The following ANKRD33B variants were observed in gnomAD, a reference collection of about 807,000 sequenced individuals.
ANKRD33B encodes the protein ankyrin repeat domain-containing protein 33B.
In ANKRD33B, 6 loss-of-function variants were observed where a neutral mutation model predicts 21.5. The observed-to-expected ratio is 0.28, with a 90% CI of 0.15 to 0.55. The LOEUF is 0.55. ANKRD33B is among the 20% of genes least tolerant of loss of function. The pLI is 0.94. For synonymous variants in ANKRD33B, 347 were observed against 342.4 expected (o/e 1.01, Z -0.15); for missense variants, 698 against 747.2 (o/e 0.93, Z 0.77).
At chr5:10,571,443 T>C (rs1344357257) in intron 1 of ANKRD33B, among the ~76,000 whole-genome samples, 10 of 151,868 alleles carry the variant, frequency 6.6e-5, no homozygotes, top group Admixed American at 6.6e-4. Context: ...CTCAGGTGAT[T>C]CACCCACCTC....
intron 1 of ANKRD33B, among the ~76,000 whole-genome samples, chr5:10,590,973 A>T (rs965160988): frequency 6.6e-6 from 1 of 152,158 alleles, no homozygotes; most frequent in Non-Finnish European, 1.5e-5. Context: ...AGTTGTTCTC[A>T]GGGGAAAAGT....
At chr5:10,585,562 T>G (rs1469943923) in intron 1 of ANKRD33B, among the ~76,000 whole-genome samples, 2 of 152,234 alleles carry the variant, frequency 1.3e-5, no homozygotes, top group African/African-American at 2.4e-5. Flanking sequence ...CACCTGGAAT[T>G]AGAAAGCACT....
At chr5:10,591,967 C>T (rs192078585) in intron 1 of ANKRD33B, among the ~76,000 whole-genome samples, 3 of 152,060 alleles carry the variant, frequency 2.0e-5, no homozygotes, top group Admixed American at 1.3e-4. Flanking sequence ...TTTTGAATCT[C>T]TTTTCTCCAT....
intron 2 of ANKRD33B, chr5:10,624,623 T>C (rs1371803975): frequency 2.5e-6 from 1 of 402,736 alleles, no homozygotes; most frequent in Non-Finnish European, 4.9e-6. Context: ...AGAGGGACTT[T>C]ACACCATTTA....
rs563688820 is a variant in ANKRD33B at position 10,639,857 on chromosome 5, C to A, written c.637+1689C>A. Among the ~76,000 whole-genome samples the A allele has an allele frequency of 4.4e-3, 43 of 9,856 alleles. 2 individuals are homozygous for A. The highest frequency in any genetic ancestry group is 0.027 in the South Asian group (5 of 186). The allele number at this position is 9,856 out of a possible 152,430, so 6.5% of individuals were successfully genotyped here. ...GCGGCGATGTTAGCGGGTGACGCGG[C>A]GTTGCGCGGCGATGTTAGGCGGTGA... On this transcript the variant is annotated intron_variant, in intron 3 of 3. Transcript: ENST00000296657.
At chr5:10,623,311 T>G (rs1231578314) in intron 2 of ANKRD33B, among the ~76,000 whole-genome samples, 2 of 152,172 alleles carry the variant, frequency 1.3e-5, no homozygotes, top group Non-Finnish European at 2.9e-5. Flanking sequence ...TACCCCATCC[T>G]CCTCATCAAC....
chr5:10,596,367 T>C (rs1905314), intron 1 of ANKRD33B, among the ~76,000 whole-genome samples: 61,103 of 152,028 alleles, frequency 0.4, 12,607 homozygotes, highest in Admixed American at 0.54. Context: ...CCCAACTGTG[T>C]GTCCATGTGT....
At chr5:10,589,009 A>T (rs1362351108) in intron 1 of ANKRD33B, among the ~76,000 whole-genome samples, 2 of 152,154 alleles carry the variant, frequency 1.3e-5, no homozygotes, top group Non-Finnish European at 2.9e-5. Context: ...GGCAGTCTTC[A>T]CGCAGCTCCT....
At chr5:10,587,005 A>ATTATTTATTTAT (rs58331005) in intron 1 of ANKRD33B, among the ~76,000 whole-genome samples, 38 of 150,998 alleles carry the variant, frequency 2.5e-4, no homozygotes, top group African/African-American at 8.8e-4. Context: ...GATTTTATTT[A>ATTATTTATTTAT]TTATTTATTT....
chr5:10,569,168 C>T (rs960316492), intron 1 of ANKRD33B, among the ~76,000 whole-genome samples: 9 of 152,302 alleles, frequency 5.9e-5, no homozygotes, highest in Middle Eastern at 6.8e-3. Flanking sequence ...TCATGGCCTG[C>T]GTGTGCACAG....
In ANKRD33B at chr5:10,649,646, C is replaced by T. The variant is rs1403980500; in HGVS notation, c.1018C>T (p.Leu340=). The T allele has an allele frequency of 6.5e-7, 1 of 1,530,874 alleles. No individual in the cohort carries two copies. Among genetic ancestry groups the T allele is most frequent in the Non-Finnish European group, 8.7e-7 (1 of 1,144,704 alleles). The allele number at this position is 1,530,874 out of a possible 1,614,324, so 94.8% of individuals were successfully genotyped here. Residue 340 remains leucine, a synonymous_variant, in exon 4 of 4, where the codon CTG becomes TTG. Coordinates refer to ENST00000296657, the MANE Select transcript of ANKRD33B (RefSeq NM_001164440.2). ...CCCTCCGAGCGTGGGGAAGAGGCGG[C>T]TGGCGGTGCAGGAGATCCTGGCGGC... ...ESPPSVGKRR[L]AVQEILAARA...
At chr5:10,638,389 G>A (rs1424788153) in intron 3 of ANKRD33B, among the ~76,000 whole-genome samples, 3 of 152,242 alleles carry the variant, frequency 2.0e-5, no homozygotes, top group Non-Finnish European at 2.9e-5. Flanking sequence ...TCCCTGCTGA[G>A]CTTTGCAGTG....
intron 1 of ANKRD33B, among the ~76,000 whole-genome samples, chr5:10,581,304 A>G (rs1346938340): frequency 6.6e-6 from 1 of 152,236 alleles, no homozygotes; most frequent in Admixed American, 6.5e-5. Flanking sequence ...GCCAGGGCAG[A>G]GTCTCAGATT....
At chr5:10,636,302 G>A (rs1031442601) in intron 2 of ANKRD33B, among the ~76,000 whole-genome samples, 2 of 152,328 alleles carry the variant, frequency 1.3e-5, no homozygotes, top group East Asian at 1.9e-4. Flanking sequence ...TGAGCACTGC[G>A]TCATCGGTGC....
At position 10,585,646 on chromosome 5, in the gene ANKRD33B, T is replaced by A. The variant is rs753969617; in HGVS notation, c.366+20813T>A. On this transcript the variant is annotated intron_variant, in intron 1 of 3. Transcript: ENST00000296657. ...CAAAGGCCTGTGTGGCTAACAGGTG[T>A]GCTGGAGATGTCTGGATTGTAGCCT... Among the ~76,000 whole-genome samples, 18 of 152,174 alleles carry A rather than the reference T, an allele frequency of 1.2e-4. No individual in the cohort carries two copies. The East Asian group carries it at 3.3e-3, about 28-fold the overall frequency.
chr5:10,621,322 A>G (rs1490170933), intron 2 of ANKRD33B, among the ~76,000 whole-genome samples: 1 of 152,336 alleles, frequency 6.6e-6, no homozygotes, highest in East Asian at 1.9e-4. Flanking sequence ...GCTCATTCAC[A>G]CTAAATGTTA....
At chr5:10,591,348 A>T (rs963037856) in intron 1 of ANKRD33B, among the ~76,000 whole-genome samples, 4 of 152,018 alleles carry the variant, frequency 2.6e-5, no homozygotes, top group Non-Finnish European at 5.9e-5. Flanking sequence ...GCGTGCCACC[A>T]TGCCTGGCTA....
Position 10,572,038 on chromosome 5 carries a change from G to T in ANKRD33B, c.366+7205G>T, listed in dbSNP as rs112913127. 4.6e-5 allele frequency among the ~76,000 whole-genome samples: 7 copies of T among 152,118 alleles called. No homozygotes were observed. The South Asian group carries it at 1.2e-3, about 27-fold the overall frequency. On this transcript the variant is annotated intron_variant, in intron 1 of 3. Transcript: ENST00000296657. ...CAAGTAGCCGGGATTACAGGCACCC[G>T]CCACCATGTCTGGCTAATTTTTGTA... is the stretch of plus-strand genomic sequence containing the variant.
intron 1 of ANKRD33B, among the ~76,000 whole-genome samples, chr5:10,579,821 G>A (rs1042705744): frequency 6.6e-6 from 1 of 152,110 alleles, no homozygotes; most frequent in African/African-American, 2.4e-5. Flanking sequence ...TTAAATAACA[G>A]CTGTATTGAT....
Sources: gnomAD v4.1 joint callset for allele counts (sites outside exome capture counted in the v4.1 genomes callset) on GRCh38, gnomAD v4.1.1 for gene constraint, MANE v1.5 for transcripts, NCBI Gene and HGNC (gene_info 2026-07-23, HGNC 2026-07-21) for gene names.